Variants in HOMER2 observed in about 807,000 individuals in gnomAD.
HOMER2 encodes homer scaffold protein 2.
HOMER2 carries 27 observed loss-of-function variants against 47.0 expected under a neutral mutation model. The observed-to-expected ratio is 0.57, with a 90% CI of 0.42 to 0.79. The LOEUF (loss-of-function observed/expected upper bound fraction) is 0.79, where lower values mean the gene tolerates loss of function less well. Ranked by LOEUF, HOMER2 falls within the 30% of genes least tolerant of loss-of-function variation. HOMER2 has a pLI of 0.00. For missense variants in HOMER2, 443 were observed against 435.0 expected (o/e 1.02, Z -0.16); for synonymous variants, 161 against 163.8 (o/e 0.98, Z 0.13).
At chr15:82,981,973 G>A (rs1250281725) in intron 1 of HOMER2, among the ~76,000 whole-genome samples, 1 of 152,112 alleles carries the variant, frequency 6.6e-6, no homozygotes, top group Non-Finnish European at 1.5e-5. Flanking sequence ...AATGACCTGT[G>A]CACTTACAAA....
At chr15:82,931,016 G>A (rs1264633241) in intron 1 of HOMER2, among the ~76,000 whole-genome samples, 1 of 151,724 alleles carries the variant, frequency 6.6e-6, no homozygotes, top group African/African-American at 2.4e-5. Flanking sequence ...CCTATGAGAG[G>A]TGCTCTTGGG....
intron 5 of HOMER2, among the ~76,000 whole-genome samples, chr15:82,857,964 G>A (rs1461555731): frequency 6.6e-6 from 1 of 152,154 alleles, no homozygotes; most frequent in Non-Finnish European, 1.5e-5. Flanking sequence ...TATCATTATG[G>A]GGATTGTGTT....
At chr15:82,928,940 T>TAAAAGAAAAAAAAAAAAAAA (rs2053925904) in intron 1 of HOMER2, among the ~76,000 whole-genome samples, 1 of 39,942 alleles carries the variant, frequency 2.5e-5, no homozygotes, top group African/African-American at 1.5e-4. Context: ...AAATAAAAAC[T>TAAAAGAAAAAAAAAAAAAAA]AAAAAAAAAA....
intron 2 of HOMER2, among the ~76,000 whole-genome samples, chr15:82,891,595 C>T (rs1366784587): frequency 2.6e-5 from 4 of 152,110 alleles, no homozygotes; most frequent in African/African-American, 9.7e-5. Context: ...ACCCAGGGCC[C>T]ATTCTATTGC....
chr15:82,961,824 C>T (rs1179442120), intron 1 of HOMER2, among the ~76,000 whole-genome samples: 4 of 152,104 alleles, frequency 2.6e-5, no homozygotes, highest in Admixed American at 6.5e-5. Context: ...AGTGCAGAGG[C>T]GTGATCTTGG....
chr15:82,900,607 A>G (rs1269567764), intron 1 of HOMER2, among the ~76,000 whole-genome samples: 4 of 152,326 alleles, frequency 2.6e-5, no homozygotes, highest in Non-Finnish European at 4.4e-5. Context: ...GTCTTAGCAA[A>G]TAAGTAGGTA....
chr15:82,863,068 G>A (rs2051846062), intron 4 of HOMER2, among the ~76,000 whole-genome samples: 1 of 152,002 alleles, frequency 6.6e-6, no homozygotes, highest in Admixed American at 6.6e-5. Context: ...GCTTCTTTGT[G>A]CACCCGAGAC....
Position 82,855,325 on chromosome 15 carries a change from C to CAAAAAAAAAA in HOMER2, c.495-535_495-526dup, listed in dbSNP as rs1162254209. Among the ~76,000 whole-genome samples the CAAAAAAAAAA allele has an allele frequency of 1.1e-4, 7 of 61,512 alleles. 1 individual carries two copies. The highest frequency in any genetic ancestry group is 1.5e-4 in the African/African-American group (2 of 13,738). 40.4% of individuals were successfully genotyped at this position (61,512 alleles called of 152,430 possible). Reference sequence around the variant, plus strand: ...TGGCGACAGAGCGAGACTCCATCTCCAAAAAAAAAAAAAAAAAAAAAAAAG... The same window carrying CAAAAAAAAAA: ...TGGCGACAGAGCGAGACTCCATCTCCAAAAAAAAAAAAAAAAAAAAAAAAAAAAAAAAAAG... On this transcript the variant is annotated intron_variant, in intron 5 of 8. Transcript: ENST00000450735.
At chr15:82,909,518 G>A (rs2053393271) in intron 1 of HOMER2, among the ~76,000 whole-genome samples, 1 of 152,034 alleles carries the variant, frequency 6.6e-6, no homozygotes, top group East Asian at 1.9e-4. Flanking sequence ...GGATGACTAA[G>A]GACAGAGCAG....
chr15:82,908,257 G>A (rs142180593), intron 1 of HOMER2, among the ~76,000 whole-genome samples: 1,612 of 152,256 alleles, frequency 0.011, 7 homozygotes, highest in Non-Finnish European at 0.016. Flanking sequence ...ATTGTATAAT[G>A]AATGTATATT....
intron 1 of HOMER2, among the ~76,000 whole-genome samples, chr15:82,942,273 G>A (rs1162869485): frequency 2.0e-5 from 3 of 152,148 alleles, no homozygotes; most frequent in Non-Finnish European, 2.9e-5. Context: ...CTGGTGTCTA[G>A]CCCAGAGAAG....
chr15:82,962,177 T>A (rs1195486996), intron 1 of HOMER2, among the ~76,000 whole-genome samples: 1 of 150,176 alleles, frequency 6.7e-6, no homozygotes, highest in Non-Finnish European at 1.5e-5. Context: ...GAGACCATCC[T>A]GGCTAACACG....
chr15:82,969,609 G>C (rs1190763155), intron 1 of HOMER2, among the ~76,000 whole-genome samples: 4 of 152,184 alleles, frequency 2.6e-5, no homozygotes, highest in Non-Finnish European at 5.9e-5. Flanking sequence ...CTGCATTTTA[G>C]AGATCCAGGA....
chr15:82,977,742 A>T (rs563812867), intron 1 of HOMER2, among the ~76,000 whole-genome samples: 11 of 152,330 alleles, frequency 7.2e-5, no homozygotes, highest in Admixed American at 4.6e-4. Flanking sequence ...TGGTTATCTG[A>T]TAAAAGGGAG....
At chr15:82,866,398 T>G (rs535178679) in intron 3 of HOMER2, among the ~76,000 whole-genome samples, 1 of 152,328 alleles carries the variant, frequency 6.6e-6, no homozygotes, top group South Asian at 2.1e-4. Context: ...TTTATTTTAC[T>G]GGCTCATAGG....
chr15:82,867,120 A>G lies in HOMER2; in HGVS notation c.295-2861T>C, dbSNP rs185356089. ...AGTAAATTGAGAGAAATGAATTTAA[A>G]TCCCACAAACCTGTAGCATGATAAA... On this transcript the variant is annotated intron_variant, in intron 3 of 8. Coordinates refer to ENST00000450735, the MANE Select transcript of HOMER2 (RefSeq NM_004839.4). 9.2e-5 allele frequency among the ~76,000 whole-genome samples: 14 copies of G among 152,296 alleles called. No individual in the cohort carries two copies. The East Asian group carries it at 2.7e-3, about 29-fold the overall frequency.
At chr15:82,945,764 A>T (rs1256996967) in intron 1 of HOMER2, among the ~76,000 whole-genome samples, 1 of 152,136 alleles carries the variant, frequency 6.6e-6, no homozygotes, top group African/African-American at 2.4e-5. Flanking sequence ...AGGTCAGGAG[A>T]TCGAGACCAT....
chr15:82,934,023 C>A (rs1426596784), intron 1 of HOMER2, among the ~76,000 whole-genome samples: 1 of 152,150 alleles, frequency 6.6e-6, no homozygotes, highest in Non-Finnish European at 1.5e-5. Flanking sequence ...CACAGGAAAT[C>A]CTTCTGGAAA....
intron 1 of HOMER2, among the ~76,000 whole-genome samples, chr15:82,905,586 C>T (rs998996665): frequency 6.6e-6 from 1 of 152,084 alleles, no homozygotes; most frequent in Non-Finnish European, 1.5e-5. Flanking sequence ...GAAAGAAACA[C>T]CTTACCTACA....
Sources: gnomAD v4.1 joint callset for allele counts (sites outside exome capture counted in the v4.1 genomes callset) on GRCh38, gnomAD v4.1.1 for gene constraint, MANE v1.5 for transcripts, NCBI Gene and HGNC (gene_info 2026-07-23, HGNC 2026-07-21) for gene names.